Variants in DLG2 observed in about 807,000 individuals in gnomAD.
The protein encoded by DLG2 is discs large MAGUK scaffold protein 2, also known as disks large homolog 2.
A neutral mutation model predicts 132.5 loss-of-function variants in DLG2; 45 were observed. The ratio of observed to expected loss-of-function variants is 0.34; its 90% CI spans 0.27 to 0.44. The LOEUF (loss-of-function observed/expected upper bound fraction) is 0.44, where lower values mean the gene tolerates loss of function less well. Ranked by LOEUF, DLG2 falls within the 20% of genes least tolerant of loss-of-function variation. The pLI is 1.00. For missense variants in DLG2, 1,045 were observed against 1,196.9 expected (o/e 0.87, Z 1.87); for synonymous variants, 424 against 419.6 (o/e 1.01, Z -0.13).
At position 85,441,685 on chromosome 11, in the gene DLG2, G is replaced by C. The variant is rs957207030; in HGVS notation, c.41-156320C>G. ...AGAATTAAATTATTGATAGCACAAA[G>C]TGTGGTAAATGCTATGATTCACTCA... On this transcript the variant is annotated intron_variant, in intron 3 of 27. Transcript: ENST00000376104. 1.3e-4 allele frequency among the ~76,000 whole-genome samples: 20 copies of C among 152,156 alleles called. 1 individual carries two copies. The highest frequency in any genetic ancestry group is 2.9e-5 in the Non-Finnish European group (2 of 68,030).
intron 7 of DLG2, among the ~76,000 whole-genome samples, chr11:84,290,962 T>A (rs1250364547): frequency 6.6e-6 from 1 of 152,162 alleles, no homozygotes; most frequent in African/African-American, 2.4e-5. Flanking sequence ...AACTAACCCC[T>A]ATATTTTTGT....
At chr11:84,075,754 A>T (rs1566365624) in intron 10 of DLG2, among the ~76,000 whole-genome samples, 1 of 152,156 alleles carries the variant, frequency 6.6e-6, no homozygotes. Flanking sequence ...ATGTAATTTC[A>T]CAGTACTTAT....
At chr11:85,506,664 A>C (rs1283506544) in intron 3 of DLG2, among the ~76,000 whole-genome samples, 1 of 149,334 alleles carries the variant, frequency 6.7e-6, no homozygotes, top group Non-Finnish European at 1.5e-5. Flanking sequence ...GAATAAGTGC[A>C]ATGTGGTGCT....
chr11:83,692,221 C>T (rs993084868), intron 18 of DLG2: 1 of 152,202 alleles, frequency 6.6e-6, no homozygotes, highest in African/African-American at 2.4e-5. Flanking sequence ...TTCCCTGCAA[C>T]AAATCATGGC....
chr11:83,566,358 C>T (rs2096709192), intron 19 of DLG2, among the ~76,000 whole-genome samples: 1 of 152,190 alleles, frequency 6.6e-6, no homozygotes, highest in Admixed American at 6.5e-5. Context: ...TTCTGCCCAT[C>T]TAATCCCAAT....
rs142031468 is a variant in DLG2 at position 83,828,967 on chromosome 11, T to C, written c.1722+4647A>G. ...AACTAAATTACCTAGGAATATTCTA[T>C]AGTCTGTGTGTGAGAGTAGGAATGG... On this transcript the variant is annotated intron_variant, in intron 17 of 27. Transcript: ENST00000376104. 1.3e-3 allele frequency among the ~76,000 whole-genome samples: 201 copies of C among 152,208 alleles called. 4 individuals are homozygous for C. Among genetic ancestry groups the C allele is most frequent in the African/African-American group, 4.2e-3 (173 of 41,520 alleles).
chr11:83,664,242 TCC>T (rs1226479819), intron 18 of DLG2, among the ~76,000 whole-genome samples: 3 of 152,172 alleles, frequency 2.0e-5, no homozygotes, highest in Non-Finnish European at 4.4e-5. Flanking sequence ...GGCTCTCCAG[TCC>T]CAAATAGGCA....
intron 6 of DLG2, among the ~76,000 whole-genome samples, chr11:85,005,332 C>T (rs915229371): frequency 1.3e-5 from 2 of 152,076 alleles, no homozygotes; most frequent in Non-Finnish European, 2.9e-5. Context: ...TGGCCATTTT[C>T]ACAATACTGA....
At chr11:84,699,173 A>AT (rs2058940406) in intron 6 of DLG2, among the ~76,000 whole-genome samples, 1 of 151,546 alleles carries the variant, frequency 6.6e-6, no homozygotes, top group African/African-American at 2.4e-5. Flanking sequence ...AATGGATAGA[A>AT]TTTGTAGCCA....
rs540737007 is a variant in DLG2, at chr11:85,596,315, G to A, written c.40+2342C>T. The stretch of plus-strand genomic sequence containing the variant: ...GAGGAAGGAGAACTGCTTGAACCGG[G>A]AGGCAGAGGCTGCAGTGAGCCCAGA... On this transcript the variant is annotated intron_variant, in intron 3 of 27. Coordinates refer to ENST00000376104, the MANE Select transcript of DLG2 (RefSeq NM_001142699.3). Among the ~76,000 whole-genome samples the A allele has an allele frequency of 2.6e-5, 4 of 152,254 alleles. No individual in the cohort carries two copies. In the East Asian group the frequency reaches 7.7e-4, roughly 29 times the overall value.
chr11:85,185,261 T>C (rs2080008986), intron 4 of DLG2, among the ~76,000 whole-genome samples: 1 of 152,052 alleles, frequency 6.6e-6, no homozygotes, highest in Non-Finnish European at 1.5e-5. Context: ...AAATGTCTAT[T>C]CTATCTGCTT....
Position 84,814,280 on chromosome 11 carries a change from T to C in DLG2, c.358-279549A>G, listed in dbSNP as rs543288468. On this transcript the variant is annotated intron_variant, in intron 6 of 27. Transcript: ENST00000376104. Reference sequence around the variant, plus strand: ...TGGATGAGCATACTAGTGTAACTGGTATGCAATGGAGAAAGTCGCTATCGG... The same window carrying C: ...TGGATGAGCATACTAGTGTAACTGGCATGCAATGGAGAAAGTCGCTATCGG... 2.6e-5 allele frequency among the ~76,000 whole-genome samples: 4 copies of C among 152,190 alleles called. 1 individual carries two copies. The South Asian group carries it at 8.3e-4, about 32-fold the overall frequency.
intron 9 of DLG2, among the ~76,000 whole-genome samples, chr11:84,144,736 C>T (rs1438709499): frequency 6.6e-6 from 1 of 152,006 alleles, no homozygotes; most frequent in Non-Finnish European, 1.5e-5. Context: ...TGTGGGTTGT[C>T]TTGTCACTGT....
chr11:84,469,853 T>C (rs940215553), intron 7 of DLG2, among the ~76,000 whole-genome samples: 1 of 151,692 alleles, frequency 6.6e-6, no homozygotes, highest in Non-Finnish European at 1.5e-5. Flanking sequence ...ACAACAGAGA[T>C]ACATTCTAAG....
intron 15 of DLG2, among the ~76,000 whole-genome samples, chr11:83,890,930 G>T (rs2069628578): frequency 6.6e-6 from 1 of 152,132 alleles, no homozygotes; most frequent in Non-Finnish European, 1.5e-5. Flanking sequence ...TAGCTGGGGT[G>T]ACTGGTCAGC....
At chr11:84,709,576 G>A (rs544965364) in intron 6 of DLG2, among the ~76,000 whole-genome samples, 1 of 151,850 alleles carries the variant, frequency 6.6e-6, no homozygotes, top group Non-Finnish European at 1.5e-5. Context: ...CAGAGCTAAT[G>A]GTTCAGTCAC....
intron 7 of DLG2, among the ~76,000 whole-genome samples, chr11:84,457,572 G>C (rs1420557070): frequency 6.6e-6 from 1 of 150,896 alleles, no homozygotes; most frequent in Non-Finnish European, 1.5e-5. Context: ...ATTTTAGTAA[G>C]CTTTCATGCA....
At chr11:84,442,884 C>A (rs1479221356) in intron 7 of DLG2, among the ~76,000 whole-genome samples, 1 of 151,856 alleles carries the variant, frequency 6.6e-6, no homozygotes, top group African/African-American at 2.4e-5. Context: ...AAAAGCAAAG[C>A]AAAGGAATAG....
chr11:84,904,225 T>C (rs981872647), intron 6 of DLG2, among the ~76,000 whole-genome samples: 2 of 152,176 alleles, frequency 1.3e-5, no homozygotes, highest in Non-Finnish European at 2.9e-5. Flanking sequence ...TGGAACATAA[T>C]GGTGCAACAA....
Sources: allele counts gnomAD v4.1 joint callset (sites outside exome capture counted in the v4.1 genomes callset), GRCh38; gene constraint gnomAD v4.1.1; transcripts MANE v1.5; gene names NCBI Gene and HGNC (gene_info 2026-07-23, HGNC 2026-07-21).